The following IGSF10 variants were observed in gnomAD, a reference collection of about 807,000 sequenced individuals.
The protein encoded by IGSF10 is immunoglobulin superfamily member 10.
IGSF10 carries 126 observed loss-of-function variants against 128.2 expected under a neutral mutation model. The observed-to-expected ratio is 0.98, with a 90% CI of 0.85 to 1.14. The LOEUF is 1.14. Among genes scored for constraint, IGSF10 ranks in the 50% most tolerant of loss-of-function variants. The pLI, the probability that IGSF10 is intolerant of heterozygous loss-of-function variation, is 0.00. For missense variants in IGSF10, 3,295 were observed against 3,149.8 expected (o/e 1.05, Z -1.10); for synonymous variants, 1,185 against 1,146.2 (o/e 1.03, Z -0.68).
chr3:151,555,287 C>T, the IGSF10 span, among the ~76,000 whole-genome samples: 1 of 152,010 alleles, frequency 6.6e-6, no homozygotes, highest in African/African-American at 2.4e-5. Flanking sequence ...TTATTAGCTG[C>T]AGATGATAAA....
At chr3:151,571,291 G>A in the IGSF10 span, among the ~76,000 whole-genome samples, 1 of 152,140 alleles carries the variant, frequency 6.6e-6, no homozygotes, top group African/African-American at 2.4e-5. Context: ...GCTTGATGGG[G>A]ATGGCATTGA....
the IGSF10 span, among the ~76,000 whole-genome samples, chr3:151,487,328 G>A: frequency 6.6e-6 from 1 of 152,216 alleles, no homozygotes; most frequent in African/African-American, 2.4e-5. Flanking sequence ...CTGAAATTGA[G>A]GCAGCAATTA....
the IGSF10 span, among the ~76,000 whole-genome samples, chr3:151,618,722 T>C: frequency 7.0e-6 from 1 of 143,378 alleles, no homozygotes; most frequent in Non-Finnish European, 1.5e-5. Context: ...AGAGTGAGAC[T>C]CCATCTCAAA....
chr3:151,553,799 G>A, the IGSF10 span, among the ~76,000 whole-genome samples: 3 of 151,654 alleles, frequency 2.0e-5, no homozygotes, highest in South Asian at 4.2e-4. Context: ...AAAACACTGG[G>A]CAGAAAATAT....
In IGSF10 at chr3:151,436,746, G is replaced by A. The variant is rs1720283126; in HGVS notation, c.7815C>T (p.Cys2605=). Residue 2605 remains cysteine, a synonymous_variant, in exon 8 of 8, where the codon TGC becomes TGT. Transcript: ENST00000282466. ...PQTSDSGIYK[C]TAKNPLGSDY... ...CACTACCAAGTGGGTTCTTTGCTGT[G>A]CATTTGTATATCCCAGAATCGGAGG... 2 of 1,613,978 alleles carry A rather than the reference G, an allele frequency of 1.2e-6. No homozygotes were observed. The highest frequency in any genetic ancestry group is 1.7e-6 in the Non-Finnish European group (2 of 1,179,994).
chr3:151,523,901 C>A, the IGSF10 span, among the ~76,000 whole-genome samples: 1 of 152,092 alleles, frequency 6.6e-6, no homozygotes, highest in Non-Finnish European at 1.5e-5. Flanking sequence ...TTTTTGTAAA[C>A]CTTGTATCTG....
Position 151,437,651 on chromosome 3 carries a change from T to C in IGSF10, c.6910A>G (p.Arg2304Gly). 6.2e-7 allele frequency: 1 copy of C among 1,614,196 alleles called. No individual in the cohort carries two copies. Residue 2304 changes from arginine (R) to glycine (G), a missense_variant, in exon 8 of 8, where the codon AGG becomes GGG. Arg to Gly is a moderately radical substitution (Grantham distance 125). Transcript: ENST00000282466. Reference protein sequence around the residue: ...KNGTLEIRNVRLSDSADFICV... With the variant: ...KNGTLEIRNVGLSDSADFICV... ...ATAAAGTCGGCTGAATCTGAAAGCC[T>C]CACATTCCTAATTTCCAAGGTTCCA...
upstream of IGSF10, among the ~76,000 whole-genome samples, chr3:151,461,764 T>G (rs1323579739): frequency 6.6e-6 from 1 of 152,230 alleles, no homozygotes; most frequent in Admixed American, 6.5e-5. Flanking sequence ...CACTATTTAA[T>G]TCTCTATCTC....
chr3:151,481,819 A>C, the IGSF10 span, among the ~76,000 whole-genome samples: 12 of 152,158 alleles, frequency 7.9e-5, no homozygotes, highest in Admixed American at 7.2e-4. Context: ...AACTCTTAGC[A>C]AATCTGTTAA....
the IGSF10 span, among the ~76,000 whole-genome samples, chr3:151,486,904 C>T: frequency 6.6e-6 from 1 of 152,044 alleles, no homozygotes; most frequent in African/African-American, 2.4e-5. Context: ...AATTGATATC[C>T]TAACATCATA....
the IGSF10 span, among the ~76,000 whole-genome samples, chr3:151,516,028 G>A: frequency 6.6e-6 from 1 of 151,960 alleles, no homozygotes; most frequent in Non-Finnish European, 1.5e-5. Context: ...GATAAAGAAA[G>A]CTTTTCATGG....
chr3:151,453,541 G>C lies in IGSF10; in HGVS notation c.558C>G (p.Phe186Leu). ...LSYLQIFKISFIKFLYLSDNF... is the reference protein window; with the variant it reads ...LSYLQIFKISLIKFLYLSDNF... ...TATCAGACAAGTATAGGAACTTAAT[G>C]AAAGAGATTTTAAATATCTGGAGGT... The change falls in exon 5 of 8, where the codon TTC (phenylalanine) becomes TTG (leucine). Residue 186 changes from phenylalanine to leucine, a missense_variant. Transcript: ENST00000282466. 6.2e-7 allele frequency: 1 copy of C among 1,614,026 alleles called. No individual in the cohort carries two copies. Among genetic ancestry groups the C allele is most frequent in the African/African-American group, 1.3e-5 (1 of 75,024 alleles).
chr3:151,542,924 A>G, the IGSF10 span, among the ~76,000 whole-genome samples: 231 of 152,250 alleles, frequency 1.5e-3, 2 homozygotes, highest in South Asian at 2.9e-3. Flanking sequence ...TGACATTGCC[A>G]CTGTATTTCA....
chr3:151,572,393 T>A, the IGSF10 span, among the ~76,000 whole-genome samples: 1 of 152,342 alleles, frequency 6.6e-6, no homozygotes, highest in Non-Finnish European at 1.5e-5. Context: ...TGCCTCATTT[T>A]TAGAGCCTGT....
At chr3:151,609,034 A>G in the IGSF10 span, among the ~76,000 whole-genome samples, 402 of 152,296 alleles carry the variant, frequency 2.6e-3, 1 homozygote, top group Non-Finnish European at 4.1e-3. Context: ...GCTTCCTAGG[A>G]CATTCTGATA....
At chr3:151,481,538 T>G in the IGSF10 span, among the ~76,000 whole-genome samples, 1 of 152,082 alleles carries the variant, frequency 6.6e-6, no homozygotes, top group Non-Finnish European at 1.5e-5. Flanking sequence ...CAGCTATATC[T>G]CAGGACTCTG....
chr3:151,603,997 C>A, the IGSF10 span, among the ~76,000 whole-genome samples: 2 of 152,266 alleles, frequency 1.3e-5, no homozygotes, highest in South Asian at 2.1e-4. Context: ...TATTTAATAT[C>A]TAGTACAGTG....
the IGSF10 span, among the ~76,000 whole-genome samples, chr3:151,498,019 A>T: frequency 2.0e-5 from 3 of 152,102 alleles, no homozygotes; most frequent in Non-Finnish European, 2.9e-5. Context: ...TTGCACATTG[A>T]TTTTGTATCC....
the IGSF10 span, among the ~76,000 whole-genome samples, chr3:151,467,209 A>G: frequency 6.6e-6 from 1 of 152,122 alleles, no homozygotes; most frequent in Non-Finnish European, 1.5e-5. Flanking sequence ...CTGCCTATAT[A>G]CTGAGTCCAC....
Sources: allele counts gnomAD v4.1 joint callset (sites outside exome capture counted in the v4.1 genomes callset), GRCh38; gene constraint gnomAD v4.1.1; transcripts MANE v1.5; gene names NCBI Gene and HGNC (gene_info 2026-07-23, HGNC 2026-07-21).